Variants in DAPK1 observed in about 807,000 individuals in gnomAD.
The protein encoded by DAPK1 is death associated protein kinase 1, also known as death-associated protein kinase 1.
A neutral mutation model predicts 144.9 loss-of-function variants in DAPK1; 56 were observed. That is an observed-to-expected ratio of 0.39 (90% CI 0.31 to 0.48). The LOEUF is 0.48. DAPK1 is among the 20% of genes least tolerant of loss of function. DAPK1 has a pLI of 0.95. For synonymous variants in DAPK1, 690 were observed against 749.0 expected, an observed-to-expected ratio of 0.92 and a Z score of 1.29; for missense variants, 1,454 against 1,875.4, an observed-to-expected ratio of 0.78 and a Z score of 4.15.
intron 2 of DAPK1, among the ~76,000 whole-genome samples, chr9:87,528,312 G>C (rs1825584945): frequency 6.6e-6 from 1 of 151,780 alleles, no homozygotes; most frequent in Admixed American, 6.6e-5. Context: ...CCACCTCCTG[G>C]GTTCAAGCGA....
intron 20 of DAPK1, among the ~76,000 whole-genome samples, chr9:87,684,003 G>A (rs3128484): frequency 0.45 from 69,029 of 152,066 alleles, 16,792 homozygotes; most frequent in East Asian, 0.72. Context: ...GGCATAGCTC[G>A]GCAGCTGGAC....
chr9:87,559,320 G>A (rs572757573), intron 2 of DAPK1, among the ~76,000 whole-genome samples: 1 of 144,578 alleles, frequency 6.9e-6, no homozygotes, highest in East Asian at 1.9e-4. Context: ...CTAGGGTAGG[G>A]TAGGGCAGGG....
rs1442829638 is a variant in DAPK1 at position 87,643,314 on chromosome 9, C to T, written c.919-62C>T. 3.0e-6 allele frequency: 3 copies of T among 983,962 alleles called. No homozygotes were observed. In the East Asian group the frequency reaches 7.9e-5, roughly 26 times the overall value. The allele number at this position is 983,962 out of a possible 1,614,324, so 61.0% of individuals were successfully genotyped here. A position where few individuals can be genotyped will look rare whatever the true frequency, so the allele number is the denominator to read the frequency against. ...AATTGTTACATAAGCTGTCTCTCCT[C>T]CTCTCACCCTGCCTTTTTCCTCCCC... On this transcript the variant is annotated intron_variant, in intron 10 of 25. Transcript: ENST00000408954.
At chr9:87,687,605 C>T (rs1227406830) in intron 21 of DAPK1, among the ~76,000 whole-genome samples, 1 of 152,134 alleles carries the variant, frequency 6.6e-6, no homozygotes, top group East Asian at 1.9e-4. Flanking sequence ...TAAACATGGG[C>T]GTGCACGTAT....
chr9:87,580,837 T>C lies in DAPK1; in HGVS notation c.63-24117T>C, dbSNP rs148200637. Among the ~76,000 whole-genome samples, 176 of 152,306 alleles carry C rather than the reference T, an allele frequency of 1.2e-3. 1 individual carries two copies. The Middle Eastern group carries it at 0.017, about 15-fold the overall frequency. On this transcript the variant is annotated intron_variant, in intron 2 of 25. Coordinates refer to ENST00000408954, the MANE Select transcript of DAPK1 (RefSeq NM_004938.4). ...AGCTTCTAAAGAGGTTTTCTGAAGT[T>C]TTAAGGAGAAGCAGTGCTCTGAGTA...
chr9:87,592,764 C>T (rs965381582), intron 2 of DAPK1, among the ~76,000 whole-genome samples: 4 of 152,022 alleles, frequency 2.6e-5, no homozygotes, highest in African/African-American at 7.2e-5. Flanking sequence ...TCAGGCTTCC[C>T]GGGAGCTCCG....
At chr9:87,584,570 A>G (rs1460881931) in intron 2 of DAPK1, among the ~76,000 whole-genome samples, 3 of 152,150 alleles carry the variant, frequency 2.0e-5, no homozygotes, top group Non-Finnish European at 1.5e-5. Flanking sequence ...ACTCTCTCCA[A>G]CAGTGTACAA....
Position 87,700,193 on chromosome 9 carries a change from G to T in DAPK1, c.2827G>T (p.Val943Leu). 1 of 1,608,530 alleles carries T rather than the reference G, an allele frequency of 6.2e-7. No individual in the cohort carries two copies. The highest frequency in any genetic ancestry group is 8.5e-7 in the Non-Finnish European group (1 of 1,174,944). ...GGCTTCTGGGTCAAAGGACATGAAGGTACTTCGAAATCATCTGCAAGAAAT... is the reference window on the plus strand; with the variant it reads ...GGCTTCTGGGTCAAAGGACATGAAGTTACTTCGAAATCATCTGCAAGAAAT... Reference protein sequence around the residue: ...AGASGSKDMKVLRNHLQEIRS... With the variant: ...AGASGSKDMKLLRNHLQEIRS... The change falls in exon 24 of 26, where the codon GTA (valine) becomes TTA (leucine). Residue 943 changes from valine to leucine, a missense_variant. Coordinates refer to ENST00000408954, the MANE Select transcript of DAPK1 (RefSeq NM_004938.4).
At chr9:87,526,939 A>T in intron 2 of DAPK1, among the ~76,000 whole-genome samples, 1 of 152,202 alleles carries the variant, frequency 6.6e-6, no homozygotes, top group East Asian at 1.9e-4. Flanking sequence ...CTTCAAAAAC[A>T]GTTGGAGGAT....
chr9:87,683,085 ATT>A (rs1554704267), intron 20 of DAPK1, among the ~76,000 whole-genome samples: 2 of 112,566 alleles, frequency 1.8e-5, no homozygotes, highest in African/African-American at 2.7e-5. Context: ...TATTTTATTT[ATT>A]TTTTTTTTTT....
intron 2 of DAPK1, among the ~76,000 whole-genome samples, chr9:87,548,226 C>T (rs370651215): frequency 2.6e-5 from 4 of 152,232 alleles, no homozygotes; most frequent in African/African-American, 9.6e-5. Context: ...GCAAGGCCCC[C>T]TTGGCTTGGA....
chr9:87,634,525 TC>T (rs1022354166), intron 3 of DAPK1, among the ~76,000 whole-genome samples: 2 of 152,146 alleles, frequency 1.3e-5, no homozygotes, highest in Non-Finnish European at 2.9e-5. Flanking sequence ...GCTGGCAAAA[TC>T]ACTTGTGCCA....
intron 2 of DAPK1, among the ~76,000 whole-genome samples, chr9:87,565,700 A>G (rs367903698): frequency 2.0e-5 from 3 of 152,278 alleles, no homozygotes; most frequent in East Asian, 3.9e-4. Context: ...ACCATTTTCA[A>G]TTTACTGTTC....
chr9:87,635,380 A>G (rs1015427486), intron 3 of DAPK1, among the ~76,000 whole-genome samples: 1 of 152,100 alleles, frequency 6.6e-6, no homozygotes, highest in African/African-American at 2.4e-5. Context: ...ACTCTAAGAC[A>G]ACACAAGCAG....
intron 2 of DAPK1, among the ~76,000 whole-genome samples, chr9:87,544,946 C>T (rs147138131): frequency 1.3e-3 from 197 of 152,272 alleles, no homozygotes; most frequent in Non-Finnish European, 2.6e-3. Context: ...GCAGCCCAGT[C>T]CCCACCCTCT....
At chr9:87,617,927 ATTC>A (rs1383101567) in intron 3 of DAPK1, among the ~76,000 whole-genome samples, 1 of 152,168 alleles carries the variant, frequency 6.6e-6, no homozygotes. Flanking sequence ...TCCTTGCTTC[ATTC>A]TTCTCCCCTA....
chr9:87,640,666 C>G, intron 8 of DAPK1, 136 bp from the exon 9 acceptor site: 1 of 1,062,696 alleles, frequency 9.4e-7, no homozygotes, highest in Non-Finnish European at 1.4e-6. Flanking sequence ...ACAAAAAGAC[C>G]GATGTTGTTT....
In DAPK1 at chr9:87,689,664, C is replaced by T. The variant is rs182868561; in HGVS notation, c.2413+2925C>T. Among the ~76,000 whole-genome samples the T allele has an allele frequency of 6.6e-5, 10 of 152,216 alleles. No individual in the cohort carries two copies. The East Asian group carries it at 1.9e-3, about 29-fold the overall frequency. On this transcript the variant is annotated intron_variant, in intron 21 of 25. Coordinates refer to ENST00000408954, the MANE Select transcript of DAPK1 (RefSeq NM_004938.4). ...GTATACATTTAAGTCTTTAATCCAT[C>T]TTGAGTTGATTTTTGAATATGGTGA...
intron 18 of DAPK1, among the ~76,000 whole-genome samples, chr9:87,662,566 T>TTTTTTTTTTTTC (rs1830893725): frequency 7.7e-6 from 1 of 129,726 alleles, no homozygotes; most frequent in Non-Finnish European, 1.6e-5. Flanking sequence ...CCTAGTTTTT[T>TTTTTTTTTTTTC]TTTTTTTTTT....
Sources: gnomAD v4.1 joint callset for allele counts (sites outside exome capture counted in the v4.1 genomes callset) on GRCh38, gnomAD v4.1.1 for gene constraint, MANE v1.5 for transcripts, NCBI Gene and HGNC (gene_info 2026-07-23, HGNC 2026-07-21) for gene names.